The following PLPP1 variants were observed in gnomAD, a reference collection of about 807,000 sequenced individuals.
PLPP1 encodes lipid phosphate phosphohydrolase 1a.
A neutral mutation model predicts 31.2 loss-of-function variants in PLPP1; 24 were observed. The observed-to-expected ratio is 0.77, with a 90% CI of 0.56 to 1.08. The LOEUF is 1.08. PLPP1 is among the 50% of genes least tolerant of loss of function. The pLI, the probability that PLPP1 is intolerant of heterozygous loss-of-function variation, is 0.00. For missense variants in PLPP1, 319 were observed against 342.7 expected (o/e 0.93, Z 0.55); for synonymous variants, 146 against 126.3 (o/e 1.16, Z -1.05).
intron 1 of PLPP1, 147 bp downstream of exon 1, chr5:55,534,425 T>G (rs2111972192): frequency 3.7e-6 from 3 of 810,340 alleles, no homozygotes; most frequent in Non-Finnish European, 5.3e-6. Context: ...CAAAGCGGGG[T>G]CCCTCGGCTG....
At chr5:55,441,226 G>T (rs542461628) in intron 4 of PLPP1, among the ~76,000 whole-genome samples, 3 of 152,106 alleles carry the variant, frequency 2.0e-5, no homozygotes, top group Admixed American at 1.3e-4. Context: ...GCAAATCTTC[G>T]TAAGGCCTCA....
chr5:55,530,273 G>A (rs1740614308), intron 1 of PLPP1: 8 of 1,507,562 alleles, frequency 5.3e-6, no homozygotes, highest in African/African-American at 2.8e-5. Flanking sequence ...GATGACTAAC[G>A]AAATTTCTGG....
chr5:55,512,352 T>C (rs1463008815), intron 1 of PLPP1, among the ~76,000 whole-genome samples: 1 of 151,198 alleles, frequency 6.6e-6, no homozygotes, highest in Non-Finnish European at 1.5e-5. Flanking sequence ...GTGCCTGTAA[T>C]CCCAGCTATT....
At chr5:55,436,317 A>T (rs189235911) in intron 4 of PLPP1, among the ~76,000 whole-genome samples, 135 of 152,218 alleles carry the variant, frequency 8.9e-4, no homozygotes, top group Non-Finnish European at 1.8e-3. Context: ...GAGGTAACTG[A>T]ATCATGGGGG....
chr5:55,484,744 G>A (rs1014187257), intron 1 of PLPP1: 1 of 152,114 alleles, frequency 6.6e-6, no homozygotes, highest in Non-Finnish European at 1.5e-5. Flanking sequence ...TCAGGATGGG[G>A]GCTGGTCACA....
At position 55,475,314 on chromosome 5, in the gene PLPP1, T is replaced by C. The variant is rs780820033; in HGVS notation, c.195A>G (p.Pro65=). 1.2e-6 allele frequency: 2 copies of C among 1,609,588 alleles called. No homozygotes were observed. Among genetic ancestry groups the C allele is most frequent in the Non-Finnish European group, 1.7e-6 (2 of 1,178,564 alleles). The part of the protein sequence containing the change: ...PYALLGGIII[P]FSIIVIILGE... ...TTTAACTTACAACGATAATACTGAA[T>C]GGAATGATTATTCCACCTAATAACG... The change falls in exon 2 of 6, where the codon CCA becomes CCG. Residue 65 remains proline, a synonymous_variant. Coordinates refer to ENST00000307259, the MANE Select transcript of PLPP1 (RefSeq NM_003711.4).
intron 1 of PLPP1, among the ~76,000 whole-genome samples, chr5:55,518,612 T>TC (rs1400118050): frequency 6.6e-5 from 10 of 152,196 alleles, no homozygotes; most frequent in African/African-American, 2.2e-4. Flanking sequence ...ACTTCAGTCT[T>TC]CAACTTTTTC....
chr5:55,464,796 G>A (rs1047756447), intron 3 of PLPP1, among the ~76,000 whole-genome samples: 11 of 152,194 alleles, frequency 7.2e-5, no homozygotes, highest in Non-Finnish European at 1.0e-4. Flanking sequence ...TTGACCCTCC[G>A]GTTGCAGATG....
chr5:55,497,412 ATTTTTTCTTT>A (rs1205454789), intron 1 of PLPP1, among the ~76,000 whole-genome samples: 1 of 140,264 alleles, frequency 7.1e-6, no homozygotes, highest in Non-Finnish European at 1.6e-5. Context: ...TTCCTGGCTA[ATTTTTTCTTT>A]TTTTTTTTTT....
intron 1 of PLPP1, among the ~76,000 whole-genome samples, chr5:55,522,569 G>C (rs1364423277): frequency 6.6e-6 from 1 of 152,012 alleles, no homozygotes; most frequent in Non-Finnish European, 1.5e-5. Context: ...ACTTTAAAGT[G>C]CCTCTTTTAG....
chr5:55,431,061 T>C (rs1394949980), intron 4 of PLPP1, among the ~76,000 whole-genome samples: 1 of 152,186 alleles, frequency 6.6e-6, no homozygotes, highest in Non-Finnish European at 1.5e-5. Flanking sequence ...CTCTGTGACA[T>C]ATGTGACACC....
chr5:55,522,731 GTT>G (rs1332261537), intron 1 of PLPP1, among the ~76,000 whole-genome samples: 1 of 72,478 alleles, frequency 1.4e-5, no homozygotes, highest in Non-Finnish European at 3.3e-5. Context: ...GTTTTGTTTT[GTT>G]TTGTTTTTGA....
chr5:55,516,615 T>C (rs1205973160), intron 1 of PLPP1, among the ~76,000 whole-genome samples: 1 of 152,180 alleles, frequency 6.6e-6, no homozygotes, highest in African/African-American at 2.4e-5. Flanking sequence ...CCTTTTCAGA[T>C]AAACTAAAGC....
intron 1 of PLPP1, among the ~76,000 whole-genome samples, chr5:55,533,252 C>T (rs994563113): frequency 3.3e-5 from 5 of 151,246 alleles, no homozygotes; most frequent in Non-Finnish European, 5.9e-5. Context: ...GGCATGGTGG[C>T]GGTGCCTGTA....
intron 4 of PLPP1, among the ~76,000 whole-genome samples, chr5:55,435,917 G>C (rs534752509): frequency 3.8e-4 from 58 of 151,360 alleles, no homozygotes; most frequent in Non-Finnish European, 5.9e-4. Flanking sequence ...GGGAGGCTGA[G>C]ACAGGAGAAC....
rs778750630 is a variant in PLPP1 at position 55,475,411 on chromosome 5, G to A, written c.98C>T (p.Pro33Leu). ...PFAILTSRHT[P>L]FQRGVFCNDE... ...ATTACAGAATACTCCTCGTTGGAAG[G>A]GGGTATGCCTTGAAGTAAGAATTGC... Residue 33 changes from proline (P) to leucine (L), a missense_variant, in exon 2 of 6, where the codon CCC becomes CTC. Physicochemically the swap from Pro to Leu is moderately conservative, Grantham distance 98 (BLOSUM62 -3). Transcript: ENST00000307259. The A allele has an allele frequency of 6.2e-7, 1 of 1,611,026 alleles. No homozygotes were observed. Among genetic ancestry groups the A allele is most frequent in the Non-Finnish European group, 8.5e-7 (1 of 1,178,928 alleles).
At chr5:55,426,096 T>C (rs1487227456) in intron 4 of PLPP1, 57 bp from the exon 5 acceptor site, 3 of 1,419,214 alleles carry the variant, frequency 2.1e-6, no homozygotes, top group Non-Finnish European at 2.8e-6. Flanking sequence ...AAAACTTTTA[T>C]ATTAAGGAAG....
rs370522558 is a variant in PLPP1 at position 55,475,418 on chromosome 5, G to A, written c.91C>T (p.His31Tyr). Reference protein sequence around the residue: ...GLPFAILTSRHTPFQRGVFCN... With the variant: ...GLPFAILTSRYTPFQRGVFCN... The stretch of plus-strand genomic sequence containing the variant: ...AATACTCCTCGTTGGAAGGGGGTAT[G>A]CCTTGAAGTAAGAATTGCAAAAGGC... Residue 31 changes from histidine (H) to tyrosine (Y), a missense_variant, in exon 2 of 6, where the codon CAT (histidine) becomes TAT (tyrosine). His to Tyr is a moderately conservative substitution (Grantham distance 83). Coordinates refer to ENST00000307259, the MANE Select transcript of PLPP1 (RefSeq NM_003711.4). 8.1e-6 allele frequency: 13 copies of A among 1,606,320 alleles called. No homozygotes were observed. Among genetic ancestry groups the A allele is most frequent in the East Asian group, 6.7e-5 (3 of 44,746 alleles).
At chr5:55,477,140 C>G (rs1752568108) in intron 1 of PLPP1, among the ~76,000 whole-genome samples, 1 of 152,026 alleles carries the variant, frequency 6.6e-6, no homozygotes, top group Admixed American at 6.6e-5. Context: ...AAATAGTTTT[C>G]ATTCATAGGA....
Sources: allele counts gnomAD v4.1 joint callset (sites outside exome capture counted in the v4.1 genomes callset), GRCh38; gene constraint gnomAD v4.1.1; transcripts MANE v1.5; gene names NCBI Gene and HGNC (gene_info 2026-07-23, HGNC 2026-07-21).